CNTN4: variants seen among roughly 807,000 people sequenced by gnomAD.
The protein encoded by CNTN4 is contactin-4.
In CNTN4, 77 loss-of-function variants were observed where a neutral mutation model predicts 122.5. That is an observed-to-expected ratio of 0.63 (90% CI 0.52 to 0.76). The LOEUF (loss-of-function observed/expected upper bound fraction) is 0.76. Ranked by LOEUF, CNTN4 falls within the 30% of genes least tolerant of loss-of-function variation. CNTN4 has a pLI of 0.00. For synonymous variants in CNTN4, 512 were observed against 447.0 expected, an observed-to-expected ratio of 1.15 and a Z score of -1.83; for missense variants, 1,256 against 1,259.1, an observed-to-expected ratio of 1.00 and a Z score of 0.04.
Position 2,613,950 on chromosome 3 carries a change from C to T in CNTN4, c.55+42392C>T, listed in dbSNP as rs112872362. Among the ~76,000 whole-genome samples the T allele has an allele frequency of 4.6e-3, 693 of 152,100 alleles. 6 individuals carry two copies. Among genetic ancestry groups the T allele is most frequent in the African/African-American group, 0.015 (636 of 41,468 alleles). On this transcript the variant is annotated intron_variant, in intron 4 of 24. Coordinates refer to ENST00000418658, the MANE Select transcript of CNTN4 (RefSeq NM_175607.3). Reference sequence around the variant, plus strand: ...TACTGAGTACCTTCTATGTGCTGACCGCTGTTCTAACCCTCGTGGATACAG... The same window carrying T: ...TACTGAGTACCTTCTATGTGCTGACTGCTGTTCTAACCCTCGTGGATACAG...
chr3:2,580,744 A>G (rs2079897868), intron 4 of CNTN4, among the ~76,000 whole-genome samples: 1 of 152,188 alleles, frequency 6.6e-6, no homozygotes, highest in Non-Finnish European at 1.5e-5. Context: ...AATAATAGTA[A>G]GAGTAAAAAG....
Position 2,669,199 on chromosome 3 carries a change from C to T in CNTN4, c.56-67016C>T, listed in dbSNP as rs540833893. Among the ~76,000 whole-genome samples the T allele has an allele frequency of 5.9e-3, 901 of 152,182 alleles. 10 individuals are homozygous for T. Among genetic ancestry groups the T allele is most frequent in the African/African-American group, 0.021 (855 of 41,546 alleles). On this transcript the variant is annotated intron_variant, in intron 4 of 24. Coordinates refer to ENST00000418658, the MANE Select transcript of CNTN4 (RefSeq NM_175607.3). ...TCCTCCTTGTACCTCTGGTAGAATT[C>T]GGCTGTGAATCCATCTGGTCCTGGA...
intron 3 of CNTN4, among the ~76,000 whole-genome samples, chr3:2,553,260 G>T (rs2149375318): frequency 6.6e-6 from 1 of 152,278 alleles, no homozygotes; most frequent in East Asian, 1.9e-4. Context: ...CCATGAGAAT[G>T]GTGGACTGGG....
At chr3:2,803,004 G>A (rs1210161766) in intron 6 of CNTN4, among the ~76,000 whole-genome samples, 1 of 152,106 alleles carries the variant, frequency 6.6e-6, no homozygotes, top group Non-Finnish European at 1.5e-5. Flanking sequence ...ACCAGAGAGT[G>A]AAAAAGACAG....
intron 3 of CNTN4, among the ~76,000 whole-genome samples, chr3:2,529,685 GCA>G (rs772810663): frequency 0.085 from 12,951 of 152,110 alleles, 1,205 homozygotes; most frequent in East Asian, 0.48. Context: ...GTTGATCTTT[GCA>G]TAGGCTAAAC....
At chr3:2,645,843 C>T (rs1479544) in intron 4 of CNTN4, among the ~76,000 whole-genome samples, 24,601 of 152,080 alleles carry the variant, frequency 0.16, 2,226 homozygotes, top group Admixed American at 0.22. Flanking sequence ...CTGTTTTCAC[C>T]CTCTGACCTT....
Position 2,178,607 on chromosome 3 carries a change from A to G in CNTN4, c.-145+77968A>G, listed in dbSNP as rs536342660. 1.2e-4 allele frequency among the ~76,000 whole-genome samples: 18 copies of G among 152,246 alleles called. 1 individual carries two copies. The South Asian group carries it at 3.7e-3, about 32-fold the overall frequency. On this transcript the variant is annotated intron_variant, in intron 2 of 24. Transcript: ENST00000418658. ...GACAATGTAGTAAAATAGTATGTGA[A>G]GAAACTAGGTTTGTTCCATGTTAAC... is the stretch of plus-strand genomic sequence containing the variant.
chr3:2,333,233 T>C (rs2043810466), intron 2 of CNTN4, among the ~76,000 whole-genome samples: 1 of 152,220 alleles, frequency 6.6e-6, no homozygotes, highest in Admixed American at 6.5e-5. Context: ...CAGAACTGTT[T>C]ATCTTGTAGT....
At chr3:2,704,695 A>G (rs555680251) in intron 4 of CNTN4, among the ~76,000 whole-genome samples, 1 of 152,324 alleles carries the variant, frequency 6.6e-6, no homozygotes, top group Admixed American at 6.5e-5. Context: ...TATAGACCAT[A>G]AGATTGACTT....
intron 4 of CNTN4, among the ~76,000 whole-genome samples, chr3:2,679,593 A>C (rs890541682): frequency 6.6e-6 from 1 of 152,118 alleles, no homozygotes; most frequent in Non-Finnish European, 1.5e-5. Context: ...GGATTTGCCA[A>C]TTTTTGTATG....
intron 12 of CNTN4, among the ~76,000 whole-genome samples, chr3:2,924,324 G>A (rs924919850): frequency 1.3e-5 from 2 of 149,826 alleles, no homozygotes; most frequent in African/African-American, 2.5e-5. Flanking sequence ...CCAAGCCCCC[G>A]CATTCACATA....
rs530287934 is a variant in CNTN4, at chr3:3,037,253, C to T, written c.2017C>T (p.Arg673Cys). ...GAACCCTTGGGTTGAATATGAATTCCGCACAGTTGCAGCCAACGTGATTGG... is the reference window on the plus strand; with the variant it reads ...GAACCCTTGGGTTGAATATGAATTCTGCACAGTTGCAGCCAACGTGATTGG... ...GLNPWVEYEFRTVAANVIGIG... is the reference protein window; with the variant it reads ...GLNPWVEYEFCTVAANVIGIG... The change falls in exon 18 of 25, where the codon CGC (arginine) becomes TGC (cysteine). Residue 673 changes from arginine to cysteine, a missense_variant. Arg to Cys is a radical substitution (Grantham distance 180). Transcript: ENST00000418658. 8 of 1,614,158 alleles carry T rather than the reference C, an allele frequency of 5.0e-6. No homozygotes were observed. The highest frequency in any genetic ancestry group is 3.3e-5 in the South Asian group (3 of 91,076).
chr3:2,364,707 A>G (rs1355598061), intron 3 of CNTN4, among the ~76,000 whole-genome samples: 4 of 152,308 alleles, frequency 2.6e-5, no homozygotes, highest in South Asian at 4.1e-4. Flanking sequence ...AAAAAATTAT[A>G]TCAAATGTGG....
intron 12 of CNTN4, among the ~76,000 whole-genome samples, chr3:2,910,517 G>C (rs1324189067): frequency 6.6e-6 from 1 of 152,142 alleles, no homozygotes; most frequent in Admixed American, 6.5e-5. Context: ...TTTTTCATCA[G>C]TCAGTAAGAA....
intron 14 of CNTN4, among the ~76,000 whole-genome samples, chr3:3,001,568 C>A (rs892622980): frequency 6.6e-6 from 1 of 152,124 alleles, no homozygotes; most frequent in Non-Finnish European, 1.5e-5. Flanking sequence ...TGCCTTTAGA[C>A]AGGGGGCATG....
chr3:2,883,067 C>T, intron 8 of CNTN4, 78 bp from the exon 9 acceptor site: 1 of 957,878 alleles, frequency 1.0e-6, no homozygotes, highest in Non-Finnish European at 1.6e-6. Flanking sequence ...AAGCATTCTG[C>T]ATTAACAGAA....
intron 3 of CNTN4, among the ~76,000 whole-genome samples, chr3:2,420,629 A>C (rs1304015997): frequency 6.6e-6 from 1 of 151,758 alleles, no homozygotes; most frequent in East Asian, 1.9e-4. Context: ...AGAGACACGG[A>C]TTCACCATGT....
At chr3:2,691,541 C>T (rs1234184856) in intron 4 of CNTN4, among the ~76,000 whole-genome samples, 1 of 152,116 alleles carries the variant, frequency 6.6e-6, no homozygotes, top group South Asian at 2.1e-4. Flanking sequence ...GAGTTTTCTC[C>T]ACTAGGATAC....
chr3:2,650,848 C>CA (rs2150191192), intron 4 of CNTN4, among the ~76,000 whole-genome samples: 1 of 152,140 alleles, frequency 6.6e-6, no homozygotes, highest in African/African-American at 2.4e-5. Flanking sequence ...AATGGAAAAC[C>CA]AAAAAACTTG....
Sources: allele counts gnomAD v4.1 joint callset (sites outside exome capture counted in the v4.1 genomes callset), GRCh38; gene constraint gnomAD v4.1.1; transcripts MANE v1.5; gene names NCBI Gene and HGNC (gene_info 2026-07-23, HGNC 2026-07-21).